DDX39B: variants seen among roughly 807,000 people sequenced by gnomAD.
DDX39B encodes the protein spliceosome RNA helicase DDX39B.
In DDX39B, 6 loss-of-function variants were observed where a neutral mutation model predicts 46.4. That is an observed-to-expected ratio of 0.13 (90% CI 0.07 to 0.26). The LOEUF is 0.26. Among genes scored for constraint, DDX39B ranks in the 10% least tolerant of loss-of-function variants. DDX39B has a pLI of 1.00. For synonymous variants in DDX39B, 174 were observed against 199.4 expected (o/e 0.87, Z 1.07); for missense variants, 185 against 553.4 (o/e 0.33, Z 6.68).
intron 1 of DDX39B, 35 bp downstream of exon 1, chr6:31,541,915 G>A (rs1396907109): frequency 3.1e-6 from 2 of 639,634 alleles, no homozygotes; most frequent in East Asian, 2.7e-5. Context: ...GAGAAGCGCA[G>A]ATGGAAACGG....
Position 31,534,457 on chromosome 6 carries a change from TAAC to T in DDX39B, c.735+907_735+909del, listed in dbSNP as rs1203674760. On this transcript the variant is annotated intron_variant, in intron 6 of 10. Transcript: ENST00000396172. The surrounding 1 kb of genome is among the most constrained non-coding windows in gnomAD (Gnocchi z 5.1). The stretch of plus-strand genomic sequence containing the variant: ...ATTGGCCCCACCTAGCCCCAAACCC[TAAC>T]AACCACCCGATTACATCCACTTTAC... The T allele has an allele frequency of 4.2e-6, 2 of 470,674 alleles. No individual in the cohort carries two copies. Among genetic ancestry groups the T allele is most frequent in the East Asian group, 6.9e-5 (1 of 14,392 alleles). The allele number at this position is 470,674 out of a possible 1,614,324, so 29.2% of individuals were successfully genotyped here. A position where few individuals can be genotyped will look rare whatever the true frequency, so the allele number is the denominator to read the frequency against.
intron 1 of DDX39B, 178 bp downstream of exon 1, chr6:31,541,772 C>T (rs1768501993): frequency 1.5e-6 from 1 of 656,366 alleles, no homozygotes; most frequent in Non-Finnish European, 2.9e-6. Flanking sequence ...CCTTAGCTTC[C>T]CTTCCTTCCC....
chr6:31,530,330 G>A lies in DDX39B; in HGVS notation c.*104C>T. On this transcript the variant is annotated 3_prime_UTR_variant, in exon 11 of 11. Coordinates refer to ENST00000396172, the MANE Select transcript of DDX39B (RefSeq NM_004640.7). This position sits in a 1 kb window ranked among gnomAD's most constrained non-coding sequence, Gnocchi z 4.5. ...TGGTGATGCAAAAGATGGAAGCCAT[G>A]GGGTGGGGGCTGTCAGGGGTGGGGG... The A allele has an allele frequency of 7.3e-7, 1 of 1,362,826 alleles. No individual in the cohort carries two copies. The highest frequency in any genetic ancestry group is 1.0e-6 in the Non-Finnish European group (1 of 987,054). The allele number at this position is 1,362,826 out of a possible 1,614,324, so 84.4% of individuals were successfully genotyped here. A position where few individuals can be genotyped will look rare whatever the true frequency, so the allele number is the denominator to read the frequency against.
In DDX39B at chr6:31,540,560, G is replaced by C. The variant is rs1210554581; in HGVS notation, c.-28C>G. 4 of 1,612,088 alleles carry C rather than the reference G, an allele frequency of 2.5e-6. No homozygotes were observed. The highest frequency in any genetic ancestry group is 2.2e-5 in the East Asian group (1 of 44,870). ...CTGGGCCGGCAGGGGAAGAAGGGAA[G>C]GGGGATCTGGATGGGTTCTCGCAAA... On this transcript the variant is annotated 5_prime_UTR_variant, in exon 2 of 11. Transcript: ENST00000396172.
rs931312118 is a variant in DDX39B, at chr6:31,539,367, A to G, written c.212-93T>C. 111 of 1,533,566 alleles carry G rather than the reference A, an allele frequency of 7.2e-5. 3 individuals are homozygous for G. Among genetic ancestry groups the G allele is most frequent in the East Asian group, 1.8e-4 (8 of 44,080 alleles). 95.0% of individuals were successfully genotyped at this position (1,533,566 alleles called of 1,614,324 possible). A position where few individuals can be genotyped will look rare whatever the true frequency, so the allele number is the denominator to read the frequency against. On this transcript the variant is annotated intron_variant, in intron 2 of 10. Coordinates refer to ENST00000396172, the MANE Select transcript of DDX39B (RefSeq NM_004640.7). ...TGCCAAGCCCATTTCTTACCACTCA[A>G]TTCTCAAAGTCTAGTATTTACCTGG...
intron 3 of DDX39B, 60 bp downstream of exon 3, chr6:31,539,087 A>G: frequency 6.2e-7 from 1 of 1,613,508 alleles, no homozygotes. Flanking sequence ...CTAGGACAAA[A>G]ACACCCTTCC....
intron 3 of DDX39B, 143 bp from the exon 4 acceptor site, chr6:31,538,998 G>A (rs139648127): frequency 1.3e-5 from 19 of 1,505,080 alleles, no homozygotes; most frequent in African/African-American, 6.9e-5. Context: ...CCACGCTTGC[G>A]ACAGAACATC....
Position 31,530,353 on chromosome 6 carries a change from G to T in DDX39B, c.*81C>A. On this transcript the variant is annotated 3_prime_UTR_variant, in exon 11 of 11. Coordinates refer to ENST00000396172, the MANE Select transcript of DDX39B (RefSeq NM_004640.7). The surrounding 1 kb of genome is among the most constrained non-coding windows in gnomAD (Gnocchi z 4.5). Reference sequence around the variant, plus strand: ...ATGGGGTGGGGGCTGTCAGGGGTGGGGGCAGTAGTGTCTCCTTCACCCCCA... The same window carrying T: ...ATGGGGTGGGGGCTGTCAGGGGTGGTGGCAGTAGTGTCTCCTTCACCCCCA... 1 of 1,552,508 alleles carries T rather than the reference G, an allele frequency of 6.4e-7. No homozygotes were observed. Among genetic ancestry groups the T allele is most frequent in the Non-Finnish European group, 8.8e-7 (1 of 1,132,188 alleles).
rs749959398 is a variant in DDX39B, at chr6:31,531,412, T to C, written c.868-7A>G. On this transcript the variant is annotated splice_region_variant and splice_polypyrimidine_tract_variant and intron_variant, in intron 7 of 10. Coordinates refer to ENST00000396172, the MANE Select transcript of DDX39B (RefSeq NM_004640.7). This position sits in a 1 kb window ranked among gnomAD's most constrained non-coding sequence, Gnocchi z 5.8. The stretch of plus-strand genomic sequence containing the variant: ...ACTTCACAAAGATCACCACCTGTTG[T>C]GGGGTGGGGTGGGGGGTCGCAAATT... 3 of 1,611,996 alleles carry C rather than the reference T, an allele frequency of 1.9e-6. No individual in the cohort carries two copies. The highest frequency in any genetic ancestry group is 2.5e-6 in the Non-Finnish European group (3 of 1,178,976).
chr6:31,541,697 C>A (rs753348579), intron 1 of DDX39B: 1 of 537,054 alleles, frequency 1.9e-6, no homozygotes, highest in South Asian at 1.5e-5. Flanking sequence ...TGAGAAGAAC[C>A]CATTGGAAGA....
intron 3 of DDX39B, 92 bp from the exon 4 acceptor site, chr6:31,538,947 G>A (rs752036348): frequency 2.2e-5 from 33 of 1,479,332 alleles, no homozygotes; most frequent in Admixed American, 1.2e-4. Flanking sequence ...CACCTGGGCC[G>A]ATAATAAATG....
rs1400203347 is a variant in DDX39B at position 31,535,499 on chromosome 6, GA to G, written c.617-15del. On this transcript the variant is annotated splice_polypyrimidine_tract_variant and intron_variant, in intron 5 of 10. Transcript: ENST00000396172. This position sits in a 1 kb window ranked among gnomAD's most constrained non-coding sequence, Gnocchi z 4.6. ...CCCGACGCATGTCTACAAGAACAAG[GA>G]AAAAAATTGTAGGAGAAAATAAGCA... The G allele has an allele frequency of 1.9e-6, 3 of 1,596,582 alleles. No individual in the cohort carries two copies. Among genetic ancestry groups the G allele is most frequent in the African/African-American group, 2.7e-5 (2 of 74,194 alleles).
chr6:31,532,673 C>T (rs1767305259), intron 7 of DDX39B, 107 bp downstream of exon 7: 3 of 1,428,500 alleles, frequency 2.1e-6, no homozygotes, highest in African/African-American at 1.4e-5. Flanking sequence ...ATTATTCTCT[C>T]CCACATCACA....
At chr6:31,538,593 G>C (rs1001624394) in intron 4 of DDX39B, among the ~76,000 whole-genome samples, 170 bp downstream of exon 4, 3 of 152,150 alleles carry the variant, frequency 2.0e-5, no homozygotes, top group African/African-American at 7.2e-5. Context: ...CTTGTGTTAA[G>C]CATCATCCAT....
Position 31,531,583 on chromosome 6 carries a change from C to T in DDX39B, c.868-178G>A, listed in dbSNP as rs1767171985. 1.6e-6 allele frequency: 1 copy of T among 624,610 alleles called. No homozygotes were observed. Among genetic ancestry groups the T allele is most frequent in the East Asian group, 2.8e-5 (1 of 35,432 alleles). 38.7% of individuals were successfully genotyped at this position (624,610 alleles called of 1,614,324 possible). On this transcript the variant is annotated intron_variant, in intron 7 of 10. Coordinates refer to ENST00000396172, the MANE Select transcript of DDX39B (RefSeq NM_004640.7). The surrounding 1 kb of genome is among the most constrained non-coding windows in gnomAD (Gnocchi z 5.8). ...AAAAGGAAATATAACTTTACTTCAG[C>T]ACTGATTTTTCCCTAAGGAAGCTGG... is the stretch of plus-strand genomic sequence containing the variant.
rs778056599 is a variant in DDX39B at position 31,535,246 on chromosome 6, C to CTTGGG, written c.735+120_735+121insCCCAA. 1,287 of 912,198 alleles carry CTTGGG rather than the reference C, an allele frequency of 1.4e-3. 1 individual carries two copies. Among genetic ancestry groups the CTTGGG allele is most frequent in the Non-Finnish European group, 2.2e-3 (1,219 of 554,402 alleles). The allele number at this position is 912,198 out of a possible 1,614,324, so 56.5% of individuals were successfully genotyped here. ...ATGTCTCTTCAAGGAGTCATTACTC[C>CTTGGG]CAGTTGGGCACAAGCCGCCTTCTTG... is the stretch of plus-strand genomic sequence containing the variant. On this transcript the variant is annotated intron_variant, in intron 6 of 10. Transcript: ENST00000396172. The surrounding 1 kb of genome is among the most constrained non-coding windows in gnomAD (Gnocchi z 4.6).
chr6:31,541,269 G>A, intron 1 of DDX39B: 2 of 524,122 alleles, frequency 3.8e-6, no homozygotes, highest in Non-Finnish European at 7.9e-6. Flanking sequence ...AGCATGGGGG[G>A]GAGGGGCGGT....
chr6:31,539,140 A>G lies in DDX39B; in HGVS notation c.339+7T>C, dbSNP rs763684827. ...AATCCCCTCCCCAGCACTCTCCCCA[A>G]ATATACCTGCCCAGTAACTGGCTCC... On this transcript the variant is annotated splice_region_variant and intron_variant, in intron 3 of 10. Transcript: ENST00000396172. The G allele has an allele frequency of 9.3e-6, 15 of 1,613,118 alleles. No homozygotes were observed. The highest frequency in any genetic ancestry group is 1.2e-5 in the Non-Finnish European group (14 of 1,180,024).
At position 31,530,360 on chromosome 6, in the gene DDX39B, A is replaced by G; in HGVS notation, c.*74T>C. ...GGGGGCTGTCAGGGGTGGGGGCAGT[A>G]GTGTCTCCTTCACCCCCACCCTGGT... On this transcript the variant is annotated 3_prime_UTR_variant, in exon 11 of 11. Transcript: ENST00000396172. This position sits in a 1 kb window ranked among gnomAD's most constrained non-coding sequence, Gnocchi z 4.5. 6.4e-7 allele frequency: 1 copy of G among 1,566,976 alleles called. No individual in the cohort carries two copies. The highest frequency in any genetic ancestry group is 8.8e-7 in the Non-Finnish European group (1 of 1,142,512).
Sources: allele counts gnomAD v4.1 joint callset (sites outside exome capture counted in the v4.1 genomes callset), GRCh38; gene constraint gnomAD v4.1.1; non-coding constraint Gnocchi (gnomAD v3.1); transcripts MANE v1.5; gene names NCBI Gene and HGNC (gene_info 2026-07-23, HGNC 2026-07-21).